The following FGF17 variants were observed in gnomAD, a reference collection of about 807,000 sequenced individuals.
FGF17 encodes the protein fibroblast growth factor 17.
In FGF17, 5 loss-of-function variants were observed where a neutral mutation model predicts 23.5. That is an observed-to-expected ratio of 0.21 (90% CI 0.11 to 0.45). The LOEUF (loss-of-function observed/expected upper bound fraction) is 0.45. Among genes scored for constraint, FGF17 ranks in the 20% least tolerant of loss-of-function variants. FGF17 has a pLI of 0.99. For synonymous variants in FGF17, 136 were observed against 123.0 expected, an observed-to-expected ratio of 1.11 and a Z score of -0.70; for missense variants, 221 against 306.9, an observed-to-expected ratio of 0.72 and a Z score of 2.09.
At chr8:22,041,932 G>T (rs1054432479), upstream of FGF17, among the ~76,000 whole-genome samples, 6 of 152,230 alleles carry the variant, frequency 3.9e-5, no homozygotes, top group Admixed American at 3.9e-4. Context: ...GGGACTCCGA[G>T]CTGCTCCTAG....
At chr8:22,042,452 C>T (rs147410540), upstream of FGF17, 32 of 192,346 alleles carry the variant, frequency 1.7e-4, no homozygotes, top group African/African-American at 6.3e-4. Context: ...GGAGGTGGGG[C>T]GCCAGACCTG....
At chr8:22,043,417 T>G (rs1800778536) in intron 2 of FGF17, among the ~76,000 whole-genome samples, 1 of 152,178 alleles carries the variant, frequency 6.6e-6, no homozygotes. Flanking sequence ...CCCCTGGGTC[T>G]CTGCTCCTCT....
chr8:22,046,312 C>T (rs776579827), intron 3 of FGF17, 21 bp downstream of exon 3: 5 of 1,607,514 alleles, frequency 3.1e-6, no homozygotes, highest in East Asian at 2.2e-5. Context: ...GCCCTCCCCC[C>T]AGGGCACCCA....
upstream of FGF17, among the ~76,000 whole-genome samples, chr8:22,042,113 C>T (rs1411488400): frequency 6.6e-6 from 1 of 152,220 alleles, no homozygotes; most frequent in Non-Finnish European, 1.5e-5. Flanking sequence ...ACTACAGAGG[C>T]CCAAGGAAAA....
In FGF17 at chr8:22,046,650, G is replaced by C; in HGVS notation, c.357+17G>C. 6.4e-7 allele frequency: 1 copy of C among 1,567,850 alleles called. No individual in the cohort carries two copies. Among genetic ancestry groups the C allele is most frequent in the Non-Finnish European group, 8.8e-7 (1 of 1,138,020 alleles). ...ATCGGGAAGGTGAGGCTGGGAGACT[G>C]GGAAGTAACAGAGAATCAGCCCTAC... On this transcript the variant is annotated intron_variant, in intron 4 of 4. Transcript: ENST00000359441.
chr8:22,040,653 G>A (rs1800723292), upstream of FGF17, among the ~76,000 whole-genome samples: 1 of 152,232 alleles, frequency 6.6e-6, no homozygotes, highest in Non-Finnish European at 1.5e-5. Context: ...ACAGGTGCTT[G>A]GGCTCAGAGG....
intron 2 of FGF17, 145 bp from the exon 3 acceptor site, chr8:22,045,969 G>A: frequency 6.4e-7 from 1 of 1,556,466 alleles, no homozygotes; most frequent in Non-Finnish European, 8.7e-7. Context: ...GGCCTGGGAA[G>A]GCTATGGCCA....
At chr8:22,045,992 A>G (rs1182626409) in intron 2 of FGF17, 122 bp from the exon 3 acceptor site, 1 of 1,582,816 alleles carries the variant, frequency 6.3e-7, no homozygotes, top group East Asian at 2.3e-5. Context: ...TGCCCACTTC[A>G]CTCTGCAGGA....
chr8:22,044,575 CCTGGGCCAGGAGGCGGGG>C, intron 2 of FGF17: 1 of 595,708 alleles, frequency 1.7e-6, no homozygotes, highest in Non-Finnish European at 2.1e-6. Context: ...AGGGCCTGAA[CCTGGGCCAGGAGGCGGGG>C]CTGGGATAGG....
Position 22,048,478 on chromosome 8 carries a change from T to C in FGF17, c.*229T>C. ...TGGCAGGCCCTGGAGAGGAACTGAG[T>C]GTCACCCTGATCTCAGGCCACCAGC... is the stretch of plus-strand genomic sequence containing the variant. On this transcript the variant is annotated 3_prime_UTR_variant, in exon 5 of 5. Coordinates refer to ENST00000359441, the MANE Select transcript of FGF17 (RefSeq NM_003867.4). This position sits in a 1 kb window ranked among gnomAD's most constrained non-coding sequence, Gnocchi z 6.9. The C allele has an allele frequency of 1.8e-6, 1 of 570,324 alleles. No individual in the cohort carries two copies. The highest frequency in any genetic ancestry group is 2.2e-5 in the South Asian group (1 of 44,826). The allele number at this position is 570,324 out of a possible 1,614,324, so 35.3% of individuals were successfully genotyped here.
intron 4 of FGF17, 32 bp downstream of exon 4, chr8:22,046,665 A>C: frequency 6.7e-7 from 1 of 1,488,276 alleles, no homozygotes; most frequent in Non-Finnish European, 9.4e-7. Context: ...GTAACAGAGA[A>C]TCAGCCCTAC....
At chr8:22,045,687 G>C (rs887080790) in intron 2 of FGF17, 9 of 1,095,408 alleles carry the variant, frequency 8.2e-6, no homozygotes, top group Non-Finnish European at 1.0e-5. Context: ...GGTTGTCCTG[G>C]CTAATGGAGC....
chr8:22,047,816 C>T (rs1800969455), intron 4 of FGF17, 140 bp from the exon 5 acceptor site: 5 of 754,968 alleles, frequency 6.6e-6, no homozygotes, highest in Non-Finnish European at 1.1e-5. Flanking sequence ...AGGATGCCAT[C>T]TCACCAGGCA....
chr8:22,040,131 G>T (rs1470524993), upstream of FGF17, among the ~76,000 whole-genome samples: 1 of 151,702 alleles, frequency 6.6e-6, no homozygotes, highest in African/African-American at 2.4e-5. Context: ...GACAGTTTAG[G>T]TCAACTGAGG....
rs3176283 is a variant in FGF17, at chr8:22,044,648, G to C, written c.73-1466G>C. On this transcript the variant is annotated intron_variant, in intron 2 of 4. Transcript: ENST00000359441. ...AGGGAGGCCAGCGTGGGGCAGGCTG[G>C]GCAGGTCCCCCACCCCAAATGCTCC... 6.4e-5 allele frequency: 63 copies of C among 984,088 alleles called. No individual in the cohort carries two copies. The South Asian group carries it at 2.6e-3, about 41-fold the overall frequency. 61.0% of individuals were successfully genotyped at this position (984,088 alleles called of 1,614,324 possible).
chr8:22,044,290 C>G (rs1400020477), intron 2 of FGF17, among the ~76,000 whole-genome samples: 2 of 152,090 alleles, frequency 1.3e-5, no homozygotes, highest in Non-Finnish European at 1.5e-5. Context: ...GGAGGGGGGG[C>G]CAGCAGGCCG....
In FGF17 at chr8:22,046,311, C is replaced by G. The variant is rs776733398; in HGVS notation, c.250+20C>G. ...AGTTTGGTGAGAGTTGGCCCTCCCC[C>G]CAGGGCACCCACACCTCCACTCTGC... On this transcript the variant is annotated intron_variant, in intron 3 of 4. Coordinates refer to ENST00000359441, the MANE Select transcript of FGF17 (RefSeq NM_003867.4). 7 of 1,607,516 alleles carry G rather than the reference C, an allele frequency of 4.4e-6. No individual in the cohort carries two copies. Among genetic ancestry groups the G allele is most frequent in the African/African-American group, 2.7e-5 (2 of 74,900 alleles).
upstream of FGF17, among the ~76,000 whole-genome samples, chr8:22,041,201 C>G (rs3176251): frequency 3.4e-3 from 511 of 152,294 alleles, 6 homozygotes; most frequent in Admixed American, 0.027. Context: ...CCTCCCCACA[C>G]AAGCTCAGGC....
At chr8:22,045,475 G>C in intron 2 of FGF17, 1 of 990,382 alleles carries the variant, frequency 1.0e-6, no homozygotes. Context: ...TGAGCACCAG[G>C]GGGCAAGGCC....
Sources: gnomAD v4.1 joint callset for allele counts (sites outside exome capture counted in the v4.1 genomes callset) on GRCh38, gnomAD v4.1.1 for gene constraint, Gnocchi (gnomAD v3.1) non-coding constraint, MANE v1.5 for transcripts, NCBI Gene and HGNC (gene_info 2026-07-23, HGNC 2026-07-21) for gene names.